The following FANCA variants were observed in gnomAD, a reference collection of about 807,000 sequenced individuals.
FANCA encodes FA complementation group A.
FANCA carries 236 observed loss-of-function variants against 194.3 expected under a neutral mutation model. That is an observed-to-expected ratio of 1.21 (90% confidence interval 1.09 to 1.35). The LOEUF is 1.35. Among genes scored for constraint, FANCA ranks in the 40% most tolerant of loss-of-function variants. FANCA has a pLI of 0.00. For missense variants in FANCA, 2,628 were observed against 1,813.9 expected (o/e 1.45, Z -8.15); for synonymous variants, 1,014 against 715.8 (o/e 1.42, Z -6.65).
At chr16:89,738,996 TCA>T (rs2062047861) in intron 41 of FANCA, 22 bp from the exon 42 acceptor site, 2 of 1,614,168 alleles carry the variant, frequency 1.2e-6, no homozygotes, top group Non-Finnish European at 1.7e-6. Context: ...ACAGGCAAAC[TCA>T]CAGGTTAGAA....
rs745568821 is a variant in FANCA, at chr16:89,761,961, G to C, written c.2840C>G (p.Ser947Ter). ...TTTCAACACTTACCGTTCAGTATCT[G>C]AAAGAGCATCAGCTTCAGGTTGAAT... is the stretch of plus-strand genomic sequence containing the variant. ...LEIQPEADAL[S>*]DTERQDFHQW... is the part of the protein sequence containing the mutation. The change falls in exon 29 of 43, where the codon TCA becomes TGA. Residue 947 changes from serine (S) to a stop codon, truncating the protein, a stop_gained. Coordinates refer to ENST00000389301, the MANE Select transcript of FANCA (RefSeq NM_000135.4). LOFTEE classifies it high-confidence loss of function. 6 of 1,613,758 alleles carry C rather than the reference G, an allele frequency of 3.7e-6. No homozygotes were observed. The highest frequency in any genetic ancestry group is 3.3e-5 in the South Asian group (3 of 91,086).
chr16:89,760,609 T>A (rs1020524766), intron 29 of FANCA, among the ~76,000 whole-genome samples: 11 of 152,218 alleles, frequency 7.2e-5, no homozygotes, highest in African/African-American at 2.4e-4. Flanking sequence ...CCAACGGTCC[T>A]CTGGGCTCCC....
chr16:89,807,123 T>C (rs141415281), intron 6 of FANCA, among the ~76,000 whole-genome samples: 2 of 152,224 alleles, frequency 1.3e-5, no homozygotes, highest in Non-Finnish European at 2.9e-5. Context: ...ATTCTGGCCA[T>C]TTTTGCTTCA....
intron 5 of FANCA, among the ~76,000 whole-genome samples, chr16:89,810,350 G>A (rs1431945022): frequency 6.6e-6 from 1 of 151,506 alleles, no homozygotes; most frequent in African/African-American, 2.4e-5. Flanking sequence ...ACCAGCCTGG[G>A]CAACAAGGCG....
chr16:89,786,113 G>A (rs947013590), intron 14 of FANCA, among the ~76,000 whole-genome samples: 1 of 148,954 alleles, frequency 6.7e-6, no homozygotes, highest in Non-Finnish European at 1.5e-5. Flanking sequence ...CTGCCTCCCG[G>A]GTTCAAGTGA....
chr16:89,764,349 G>C (rs771546890), intron 28 of FANCA, among the ~76,000 whole-genome samples: 2 of 152,268 alleles, frequency 1.3e-5, no homozygotes, highest in South Asian at 2.1e-4. Context: ...GTGTCATCCT[G>C]GCTGGAATAG....
intron 8 of FANCA, among the ~76,000 whole-genome samples, chr16:89,802,340 G>C (rs2143608128): frequency 6.6e-6 from 1 of 151,758 alleles, no homozygotes; most frequent in South Asian, 2.1e-4. Flanking sequence ...TGACCTCAGG[G>C]GATCCACCAG....
Position 89,803,284 on chromosome 16 carries a change from G to T in FANCA, c.767C>A (p.Thr256Asn), listed in dbSNP as rs377078635. 16 of 1,614,070 alleles carry T rather than the reference G, an allele frequency of 9.9e-6. No homozygotes were observed. The highest frequency in any genetic ancestry group is 1.4e-5 in the Non-Finnish European group (16 of 1,179,958). ...GFQKNSDLRR[T>N]VEPEKMPQVT... is the part of the protein sequence containing the mutation. ...CTGCGGCATTTTTTCAGGCTCCACA[G>T]TTCTTCTCAGATCTGAGTTTTTCTG... The change falls in exon 8 of 43, where the codon ACT (threonine) becomes AAT (asparagine). Residue 256 changes from threonine to asparagine, a missense_variant. Coordinates refer to ENST00000389301, the MANE Select transcript of FANCA (RefSeq NM_000135.4).
At chr16:89,739,744 T>G in intron 39 of FANCA, 191 bp from the exon 40 acceptor site, 1 of 1,489,530 alleles carries the variant, frequency 6.7e-7, no homozygotes, top group South Asian at 1.3e-5. Flanking sequence ...GTCGACCTCT[T>G]GCAGGAGGGT....
rs1188884242 is a variant in FANCA at position 89,792,713 on chromosome 16, G to C, written c.1007-166C>G. 4.9e-6 allele frequency: 3 copies of C among 615,604 alleles called. No homozygotes were observed. The African/African-American group carries it at 5.5e-5, about 11-fold the overall frequency. 38.1% of individuals were successfully genotyped at this position (615,604 alleles called of 1,614,324 possible). On this transcript the variant is annotated intron_variant, in intron 11 of 42. Coordinates refer to ENST00000389301, the MANE Select transcript of FANCA (RefSeq NM_000135.4). ...AAGAGATAAAAGACAAGACAGCTGGGCCCGGGGGACCACTACCATCAATGC... is the reference window on the plus strand; with the variant it reads ...AAGAGATAAAAGACAAGACAGCTGGCCCCGGGGGACCACTACCATCAATGC...
chr16:89,773,448 G>C (rs946456504), intron 21 of FANCA, 64 bp from the exon 22 acceptor site: 15 of 1,151,996 alleles, frequency 1.3e-5, no homozygotes, highest in East Asian at 5.1e-5. Context: ...TGCAAAAATA[G>C]AAACTTCACA....
At position 89,742,930 on chromosome 16, in the gene FANCA, G is replaced by T. The variant is rs1203053045; in HGVS notation, c.3635C>A (p.Ser1212Tyr). 1.9e-6 allele frequency: 3 copies of T among 1,614,042 alleles called. No individual in the cohort carries two copies. The highest frequency in any genetic ancestry group is 4.5e-5 in the East Asian group (2 of 44,876). ...GGGTGCTGGGGAGGCAGCCTCAGGG[G>T]AGAGGAAACTGGGACAGAGAGAACG... ...EGRQFASDFLSPEAASPAPNP... is the reference protein window; with the variant it reads ...EGRQFASDFLYPEAASPAPNP... The change falls in exon 37 of 43, where the codon TCC becomes TAC. Residue 1212 changes from serine (S) to tyrosine (Y), a missense_variant. Transcript: ENST00000389301.
At position 89,740,028 on chromosome 16, in the gene FANCA, T is replaced by C; in HGVS notation, c.3900A>G (p.Ile1300Met). 1.9e-6 allele frequency: 3 copies of C among 1,614,170 alleles called. No homozygotes were observed. Among genetic ancestry groups the C allele is most frequent in the Non-Finnish European group, 2.5e-6 (3 of 1,180,020 alleles). The part of the protein sequence containing the change: ...AILECLEKRK[I>M]SWLALFQLTE... ...TCAACTGAAAGAGTGCCAGCCAGGA[T>C]ATCTTCCTCTTCTCTAAACACTCGA... The change falls in exon 39 of 43, where the codon ATA becomes ATG. Residue 1300 changes from isoleucine to methionine, a missense_variant. Transcript: ENST00000389301.
intron 20 of FANCA, among the ~76,000 whole-genome samples, 175 bp downstream of exon 20, chr16:89,778,626 C>CAAAAAA (rs2039594330): frequency 6.6e-5 from 1 of 15,154 alleles, no homozygotes; most frequent in Non-Finnish European, 1.2e-4. Context: ...GAGACTCCAA[C>CAAAAAA]TAAAAAAAAA....
chr16:89,778,874 G>A, intron 19 of FANCA, 24 bp from the exon 20 acceptor site: 1 of 1,613,892 alleles, frequency 6.2e-7, no homozygotes. Flanking sequence ...AGAGACCTGT[G>A]AGAGACTGAC....
At chr16:89,743,469 A>C (rs1598064356) in intron 36 of FANCA, among the ~76,000 whole-genome samples, 1 of 152,220 alleles carries the variant, frequency 6.6e-6, no homozygotes, top group African/African-American at 2.4e-5. Context: ...CTTCAGGAGG[A>C]TCGCTTAAGC....
At chr16:89,798,704 C>T in intron 10 of FANCA, 1 of 1,308,166 alleles carries the variant, frequency 7.6e-7, no homozygotes, top group Non-Finnish European at 9.8e-7. Context: ...CTAATAGGGC[C>T]AAGCTTTGCC....
In FANCA at chr16:89,773,319, C is replaced by T. The variant is rs1301964832; in HGVS notation, c.1966G>A (p.Ala656Thr). ...ATGGAGGCTCTCAGCTCTCCCAGTGCAGCTGTGAGCTGTCCCAGGGGCTCC... is the reference window on the plus strand; with the variant it reads ...ATGGAGGCTCTCAGCTCTCCCAGTGTAGCTGTGAGCTGTCCCAGGGGCTCC... ...AEEPLGQLTA[A>T]LGELRASMTD... The change falls in exon 22 of 43, where the codon GCA (alanine) becomes ACA (threonine). Residue 656 changes from alanine (A) to threonine (T), a missense_variant. Ala to Thr is a moderately conservative substitution (Grantham distance 58). Transcript: ENST00000389301. 1.3e-6 allele frequency: 2 copies of T among 1,551,596 alleles called. No individual in the cohort carries two copies. Among genetic ancestry groups the T allele is most frequent in the East Asian group, 4.9e-5 (2 of 40,926 alleles).
At chr16:89,799,699 C>CAGGT in intron 8 of FANCA, 61 bp from the exon 9 acceptor site, 11 of 1,315,224 alleles carry the variant, frequency 8.4e-6, no homozygotes, top group Non-Finnish European at 1.2e-5. Flanking sequence ...GTGATACCTG[C>CAGGT]ATCACACAAG....
Sources: allele counts gnomAD v4.1 joint callset (sites outside exome capture counted in the v4.1 genomes callset), GRCh38; gene constraint gnomAD v4.1.1; transcripts MANE v1.5; gene names NCBI Gene and HGNC (gene_info 2026-07-23, HGNC 2026-07-21).